SETD3: variants seen among roughly 807,000 people sequenced by gnomAD.
The protein encoded by SETD3 is actin-histidine N-methyltransferase.
Under a neutral mutation model 63.0 loss-of-function variants are expected in SETD3, and 19 were observed. The observed-to-expected ratio is 0.30, with a 90% CI of 0.21 to 0.44. The LOEUF (loss-of-function observed/expected upper bound fraction) is 0.44, where lower values mean the gene tolerates loss of function less well. SETD3 is among the 20% of genes least tolerant of loss of function. The pLI, the probability that SETD3 is intolerant of heterozygous loss-of-function variation, is 1.00. For synonymous variants in SETD3, 286 were observed against 264.1 expected (o/e 1.08, Z -0.80); for missense variants, 587 against 728.5 (o/e 0.81, Z 2.24).
intron 6 of SETD3, among the ~76,000 whole-genome samples, chr14:99,428,062 GA>G (rs1892979714): frequency 6.6e-6 from 1 of 152,240 alleles, no homozygotes; most frequent in Admixed American, 6.5e-5. Context: ...ACAGAGGGAT[GA>G]AAAGGTGCAA....
intron 1 of SETD3, among the ~76,000 whole-genome samples, chr14:99,479,372 A>C (rs1046216275): frequency 6.6e-6 from 1 of 152,244 alleles, no homozygotes; most frequent in Non-Finnish European, 1.5e-5. Context: ...CTTGGGACTA[A>C]TCCAGTACTG....
chr14:99,453,974 C>T (rs1371714682), intron 6 of SETD3, among the ~76,000 whole-genome samples: 1 of 152,210 alleles, frequency 6.6e-6, no homozygotes, highest in African/African-American at 2.4e-5. Context: ...AGCTTCATGG[C>T]ACTTACTACA....
rs1895199120 is a variant in SETD3 at position 99,463,593 on chromosome 14, G to A, written c.104-15C>T. The A allele has an allele frequency of 1.3e-6, 2 of 1,594,682 alleles. No homozygotes were observed. The highest frequency in any genetic ancestry group is 1.3e-5 in the African/African-American group (1 of 74,538). On this transcript the variant is annotated splice_polypyrimidine_tract_variant and intron_variant, in intron 2 of 12. Transcript: ENST00000331768. ...ACTGCTGCATTCTGTAACATAAGAGGCATGGTACTGAAACACTTCTCTCTT... is the reference window on the plus strand; with the variant it reads ...ACTGCTGCATTCTGTAACATAAGAGACATGGTACTGAAACACTTCTCTCTT...
At chr14:99,478,224 G>A (rs760230265) in intron 1 of SETD3, among the ~76,000 whole-genome samples, 25 of 152,248 alleles carry the variant, frequency 1.6e-4, no homozygotes, top group African/African-American at 4.8e-5. Flanking sequence ...TAAGTTCACC[G>A]TTCTGTTAAA....
chr14:99,456,007 T>C (rs1413378066), intron 6 of SETD3, among the ~76,000 whole-genome samples: 1 of 152,118 alleles, frequency 6.6e-6, no homozygotes, highest in Non-Finnish European at 1.5e-5. Context: ...ATACGAAAAA[T>C]TAGCCAGGCG....
intron 6 of SETD3, among the ~76,000 whole-genome samples, chr14:99,427,056 G>A (rs1892921476): frequency 6.6e-6 from 1 of 152,184 alleles, no homozygotes; most frequent in African/African-American, 2.4e-5. Context: ...GGGCAGCTGG[G>A]GAGCATCCGG....
intron 6 of SETD3, among the ~76,000 whole-genome samples, chr14:99,419,993 T>C (rs1415646872): frequency 6.6e-6 from 1 of 152,166 alleles, no homozygotes; most frequent in African/African-American, 2.4e-5. Context: ...ACCTCCGAAG[T>C]GGAAGGCACT....
At chr14:99,448,511 C>A (rs1197514469) in intron 6 of SETD3, among the ~76,000 whole-genome samples, 1 of 152,202 alleles carries the variant, frequency 6.6e-6, no homozygotes, top group African/African-American at 2.4e-5. Flanking sequence ...CCTAGATGAA[C>A]AACCTGAAAA....
intron 1 of SETD3, among the ~76,000 whole-genome samples, chr14:99,466,396 G>A (rs1441116845): frequency 6.6e-6 from 1 of 152,194 alleles, no homozygotes; most frequent in African/African-American, 2.4e-5. Context: ...TGGCAGACCC[G>A]GGACTTGAAC....
Position 99,410,113 on chromosome 14 carries a change from G to A in SETD3, c.849+2838C>T, listed in dbSNP as rs2139633633. The A allele has an allele frequency of 3.9e-6, 5 of 1,292,560 alleles. No individual in the cohort carries two copies. The East Asian group carries it at 1.2e-4, about 30-fold the overall frequency. 80.1% of individuals were successfully genotyped at this position (1,292,560 alleles called of 1,614,324 possible). ...TAGTCATTCCACATAGGGTGCTCAG[G>A]GCAGCCACGCTGGAGGAGGTCTATG... On this transcript the variant is annotated intron_variant, in intron 8 of 12. Transcript: ENST00000331768.
chr14:99,463,059 G>A (rs1895162373), intron 3 of SETD3, among the ~76,000 whole-genome samples: 1 of 152,170 alleles, frequency 6.6e-6, no homozygotes, highest in South Asian at 2.1e-4. Flanking sequence ...TAAGGAATAT[G>A]ACCACACCTC....
At chr14:99,413,169 A>G (rs1892099197) in intron 7 of SETD3, 104 bp from the exon 8 acceptor site, 1 of 647,022 alleles carries the variant, frequency 1.5e-6, no homozygotes, top group East Asian at 2.8e-5. Flanking sequence ...ACAAACGTAC[A>G]AAGTCTTTTC....
intron 6 of SETD3, among the ~76,000 whole-genome samples, chr14:99,430,613 G>A (rs2139688863): frequency 6.6e-6 from 1 of 152,302 alleles, no homozygotes; most frequent in Non-Finnish European, 1.5e-5. Context: ...CAAACATTAG[G>A]CTAGGAACTG....
chr14:99,443,255 AT>A (rs996583091), intron 6 of SETD3, among the ~76,000 whole-genome samples: 934 of 108,756 alleles, frequency 8.6e-3, no homozygotes, highest in South Asian at 0.018. Context: ...CTGAACTCCC[AT>A]TTTTTTTTTT....
chr14:99,479,870 T>C (rs1193489978), intron 1 of SETD3, among the ~76,000 whole-genome samples: 1 of 152,208 alleles, frequency 6.6e-6, no homozygotes, highest in Non-Finnish European at 1.5e-5. Flanking sequence ...AACACTGAAA[T>C]GCCCTCCTCC....
At position 99,398,287 on chromosome 14, in the gene SETD3, T is replaced by C; in HGVS notation, c.*392A>G. The C allele has an allele frequency of 5.9e-6, 1 of 168,276 alleles. No individual in the cohort carries two copies. Among genetic ancestry groups the C allele is most frequent in the Non-Finnish European group, 1.3e-5 (1 of 77,438 alleles). The allele number at this position is 168,276 out of a possible 1,614,324, so 10.4% of individuals were successfully genotyped here. On this transcript the variant is annotated 3_prime_UTR_variant, in exon 13 of 13. Coordinates refer to ENST00000331768, the MANE Select transcript of SETD3 (RefSeq NM_032233.3). ...CTGTATCCCCAAGTCCCGCCACCAA[T>C]TCTGGCTGGCAGGAGGCAGAGCAAG...
intron 10 of SETD3, among the ~76,000 whole-genome samples, chr14:99,404,514 T>C (rs1279998886): frequency 6.6e-6 from 1 of 152,178 alleles, no homozygotes; most frequent in African/African-American, 2.4e-5. Context: ...CAAGCGGACA[T>C]CCAGAATTGG....
intron 6 of SETD3, among the ~76,000 whole-genome samples, chr14:99,425,143 G>A (rs1329528486): frequency 1.3e-5 from 2 of 152,100 alleles, no homozygotes; most frequent in African/African-American, 4.8e-5. Context: ...AAAAGAAACA[G>A]GACTATAAAT....
chr14:99,485,506 CTG>C (rs1256967175), upstream of SETD3, among the ~76,000 whole-genome samples: 1 of 152,192 alleles, frequency 6.6e-6, no homozygotes. Context: ...AACTTTCTTG[CTG>C]TGCTTTTTAT....
Sources: gnomAD v4.1 joint callset for allele counts (sites outside exome capture counted in the v4.1 genomes callset) on GRCh38, gnomAD v4.1.1 for gene constraint, MANE v1.5 for transcripts, NCBI Gene and HGNC (gene_info 2026-07-23, HGNC 2026-07-21) for gene names.